SNX4: variants seen among roughly 807,000 people sequenced by gnomAD.
SNX4 encodes sorting nexin-4.
In SNX4, 49 loss-of-function variants were observed where a neutral mutation model predicts 70.8. The ratio of observed to expected loss-of-function variants is 0.69; its 90% CI spans 0.55 to 0.88. The LOEUF is 0.88. Among genes scored for constraint, SNX4 ranks in the 40% least tolerant of loss-of-function variants. The pLI is 0.00. For missense variants in SNX4, 528 were observed against 544.8 expected, an observed-to-expected ratio of 0.97 and a Z score of 0.31; for synonymous variants, 206 against 183.8, an observed-to-expected ratio of 1.12 and a Z score of -0.98.
Position 125,453,972 on chromosome 3 carries a change from A to G in SNX4, c.1045-17T>C, listed in dbSNP as rs755443583. The G allele has an allele frequency of 1.9e-6, 3 of 1,608,214 alleles. No individual in the cohort carries two copies. Among genetic ancestry groups the G allele is most frequent in the Non-Finnish European group, 2.5e-6 (3 of 1,177,614 alleles). ...TCTCACAGTCTAAAAGGAAACAGAA[A>G]CAGATGAATGGATAAACAAAATGCG... is the stretch of plus-strand genomic sequence containing the variant. On this transcript the variant is annotated splice_polypyrimidine_tract_variant and intron_variant, in intron 11 of 13. Transcript: ENST00000251775.
chr3:125,464,590 T>TTTTGG (rs1933963805), intron 9 of SNX4, among the ~76,000 whole-genome samples: 1 of 118,372 alleles, frequency 8.4e-6, no homozygotes, highest in African/African-American at 3.4e-5. Context: ...TTTTTTTTTT[T>TTTTGG]GAGACACAGT....
intron 1 of SNX4, among the ~76,000 whole-genome samples, chr3:125,517,773 C>T (rs1014174831): frequency 1.3e-5 from 2 of 151,958 alleles, no homozygotes; most frequent in African/African-American, 4.8e-5. Flanking sequence ...GTCAGGAGTT[C>T]GAGACCAGCC....
chr3:125,468,523 A>C (rs889778613), intron 9 of SNX4, among the ~76,000 whole-genome samples: 1 of 152,062 alleles, frequency 6.6e-6, no homozygotes, highest in Non-Finnish European at 1.5e-5. Context: ...AAACACAGCA[A>C]GACCCCATCT....
intron 9 of SNX4, among the ~76,000 whole-genome samples, chr3:125,462,593 CAA>C (rs34157775): frequency 6.2e-5 from 3 of 48,274 alleles, no homozygotes; most frequent in Non-Finnish European, 7.7e-5. Context: ...TCTGTCTCAC[CAA>C]AAAAAAAAAA....
intron 13 of SNX4, among the ~76,000 whole-genome samples, chr3:125,449,421 A>C (rs952823830): frequency 1.3e-5 from 2 of 150,766 alleles, no homozygotes; most frequent in African/African-American, 4.9e-5. Context: ...TCTGTCTCAA[A>C]AAAAAAAAAA....
At chr3:125,469,641 G>A (rs1046154118) in intron 8 of SNX4, 122 bp from the exon 9 acceptor site, 3 of 661,356 alleles carry the variant, frequency 4.5e-6, no homozygotes, top group East Asian at 2.8e-5. Flanking sequence ...CCCGTATTTG[G>A]GTTTATTTTG....
chr3:125,519,957 C>A, intron 1 of SNX4, 75 bp downstream of exon 1: 1 of 1,200,542 alleles, frequency 8.3e-7, no homozygotes, highest in Non-Finnish European at 1.1e-6. Context: ...CGGCCCAGCC[C>A]AGCCCAGCCC....
In SNX4 at chr3:125,510,990, C is replaced by A. The variant is rs148805082; in HGVS notation, c.142-6246G>T. ...CTGGAGTGCAATGGCACGATCTCGGCTGACCGCAACCTCAGCCTCCTGGGC... is the reference window on the plus strand; with the variant it reads ...CTGGAGTGCAATGGCACGATCTCGGATGACCGCAACCTCAGCCTCCTGGGC... On this transcript the variant is annotated intron_variant, in intron 1 of 13. Transcript: ENST00000251775. Among the ~76,000 whole-genome samples the A allele has an allele frequency of 1.8e-4, 28 of 152,364 alleles. No homozygotes were observed. In the East Asian group the frequency reaches 5.4e-3, roughly 29 times the overall value.
chr3:125,451,502 G>T, intron 12 of SNX4, 83 bp from the exon 13 acceptor site: 5 of 931,262 alleles, frequency 5.4e-6, no homozygotes, highest in East Asian at 2.5e-5. Flanking sequence ...CATTGGCGTT[G>T]GTTTTTAATT....
chr3:125,460,886 T>G (rs771666684), intron 9 of SNX4, 26 bp from the exon 10 acceptor site: 3 of 1,118,690 alleles, frequency 2.7e-6, no homozygotes, highest in Non-Finnish European at 2.5e-6. Flanking sequence ...AAACACACAT[T>G]GCATAGAGTT....
At chr3:125,455,235 T>G (rs930511771) in intron 11 of SNX4, among the ~76,000 whole-genome samples, 1 of 152,346 alleles carries the variant, frequency 6.6e-6, no homozygotes, top group African/African-American at 2.4e-5. Flanking sequence ...ATACCCGGCT[T>G]GAATTTCATA....
chr3:125,475,283 G>C (rs764039283), intron 8 of SNX4, among the ~76,000 whole-genome samples: 4 of 152,080 alleles, frequency 2.6e-5, no homozygotes, highest in Non-Finnish European at 4.4e-5. Context: ...ATAAATTATA[G>C]CTGAATCAAA....
chr3:125,504,797 C>T, intron 1 of SNX4, 53 bp from the exon 2 acceptor site: 8 of 1,570,382 alleles, frequency 5.1e-6, no homozygotes, highest in Non-Finnish European at 6.9e-6. Context: ...TAAGATGGTA[C>T]TGAAAAAAGC....
chr3:125,496,542 T>TAATACTAGTAC (rs1285345660), intron 5 of SNX4, among the ~76,000 whole-genome samples: 1 of 152,200 alleles, frequency 6.6e-6, no homozygotes. Flanking sequence ...GAACAATTTA[T>TAATACTAGTAC]ATTATGTTAT....
chr3:125,505,628 T>C (rs1042819308), intron 1 of SNX4, among the ~76,000 whole-genome samples: 3 of 152,194 alleles, frequency 2.0e-5, no homozygotes, highest in Admixed American at 2.0e-4. Context: ...GATCACCAAC[T>C]GCTTCTTCTA....
At chr3:125,498,319 C>T (rs1267070965) in intron 2 of SNX4, 125 bp from the exon 3 acceptor site, 1 of 933,790 alleles carries the variant, frequency 1.1e-6, no homozygotes, top group Non-Finnish European at 1.6e-6. Flanking sequence ...AAGAACTTTT[C>T]ATACATTTTT....
intron 2 of SNX4, 99 bp downstream of exon 2, chr3:125,504,524 A>T (rs138133877): frequency 8.3e-7 from 1 of 1,209,800 alleles, no homozygotes. Flanking sequence ...GAAAAAAAAA[A>T]TAACCTTTAA....
At chr3:125,518,869 T>C (rs1316799892) in intron 1 of SNX4, among the ~76,000 whole-genome samples, 1 of 149,986 alleles carries the variant, frequency 6.7e-6, no homozygotes, top group Non-Finnish European at 1.5e-5. Flanking sequence ...AAAATTTAGC[T>C]GGGAGTGGTG....
At chr3:125,460,663 G>A (rs941057585) in intron 10 of SNX4, 108 bp downstream of exon 10, 3 of 492,976 alleles carry the variant, frequency 6.1e-6, no homozygotes, top group South Asian at 7.6e-5. Context: ...CATTATCTGA[G>A]GGAATGCATT....
Sources: gnomAD v4.1 joint callset for allele counts (sites outside exome capture counted in the v4.1 genomes callset) on GRCh38, gnomAD v4.1.1 for gene constraint, MANE v1.5 for transcripts, NCBI Gene and HGNC (gene_info 2026-07-23, HGNC 2026-07-21) for gene names.